Variants in ILRUN observed in about 807,000 individuals in gnomAD.
ILRUN encodes the protein inflammation and lipid regulator with UBA-like and NBR1-like domains, also known as protein ILRUN.
ILRUN carries 3 observed loss-of-function variants against 33.8 expected under a neutral mutation model. The observed-to-expected ratio is 0.09, with a 90% CI of 0.04 to 0.23. The LOEUF (loss-of-function observed/expected upper bound fraction) is 0.23, where lower values mean the gene tolerates loss of function less well. ILRUN is among the 10% of genes least tolerant of loss of function. The pLI is 1.00. For synonymous variants in ILRUN, 124 were observed against 138.9 expected, an observed-to-expected ratio of 0.89 and a Z score of 0.75; for missense variants, 210 against 375.1, an observed-to-expected ratio of 0.56 and a Z score of 3.64.
chr6:34,612,859 G>A (rs756933373), intron 3 of ILRUN, among the ~76,000 whole-genome samples: 4 of 152,232 alleles, frequency 2.6e-5, no homozygotes, highest in South Asian at 2.1e-4. Context: ...TGGCTAACAC[G>A]GTGAAACCCC....
At chr6:34,627,798 G>C (rs1013805940) in intron 3 of ILRUN, among the ~76,000 whole-genome samples, 1 of 150,394 alleles carries the variant, frequency 6.6e-6, no homozygotes, top group African/African-American at 2.5e-5. Flanking sequence ...CCGCCTCCCT[G>C]GTTCAAGCTA....
At chr6:34,664,781 C>T (rs376314118) in intron 1 of ILRUN, among the ~76,000 whole-genome samples, 144 of 152,276 alleles carry the variant, frequency 9.5e-4, no homozygotes, top group African/African-American at 3.1e-3. Flanking sequence ...TATGGTTTAT[C>T]GTTGCTCATG....
At chr6:34,598,583 C>T (rs1761448651) in intron 4 of ILRUN, among the ~76,000 whole-genome samples, 1 of 152,226 alleles carries the variant, frequency 6.6e-6, no homozygotes, top group South Asian at 2.1e-4. Flanking sequence ...GGAACATTAG[C>T]TCTGCTTCAG....
intron 1 of ILRUN, among the ~76,000 whole-genome samples, chr6:34,682,032 A>T (rs2744936): frequency 0.18 from 21,969 of 121,538 alleles, 2,420 homozygotes; most frequent in East Asian, 0.27. Flanking sequence ...TTATATTTTT[A>T]TTTTTTTACT....
At chr6:34,599,910 C>A (rs540417737) in intron 4 of ILRUN, among the ~76,000 whole-genome samples, 20 of 152,298 alleles carry the variant, frequency 1.3e-4, no homozygotes, top group African/African-American at 4.6e-4. Flanking sequence ...GTTATCCTTT[C>A]TTCTCTTTTA....
Position 34,660,288 on chromosome 6 carries a change from G to A in ILRUN, c.159-5509C>T, listed in dbSNP as rs544516817. On this transcript the variant is annotated intron_variant, in intron 1 of 4. Coordinates refer to ENST00000374023, the MANE Select transcript of ILRUN (RefSeq NM_024294.4). ...ACTGCACTCCAGCCTGGGCAACAGT[G>A]AGACCCTGTCAAAAAAATAAATAAA... Among the ~76,000 whole-genome samples, 7 of 151,664 alleles carry A rather than the reference G, an allele frequency of 4.6e-5. No homozygotes were observed. In the East Asian group the frequency reaches 1.2e-3, roughly 25 times the overall value.
At chr6:34,671,920 G>C (rs2127378193) in intron 1 of ILRUN, 1 of 152,298 alleles carries the variant, frequency 6.6e-6, no homozygotes, top group African/African-American at 2.4e-5. Context: ...AAACAGTTCA[G>C]GAATAAACAC....
At chr6:34,678,349 T>C (rs1763283852) in intron 1 of ILRUN, among the ~76,000 whole-genome samples, 1 of 152,130 alleles carries the variant, frequency 6.6e-6, no homozygotes, top group African/African-American at 2.4e-5. Flanking sequence ...CTCTAATTTA[T>C]TTTTATTTTT....
intron 4 of ILRUN, among the ~76,000 whole-genome samples, chr6:34,596,402 T>G (rs929761815): frequency 6.6e-6 from 1 of 152,116 alleles, no homozygotes; most frequent in African/African-American, 2.4e-5. Context: ...CTGTAACCTC[T>G]ACCTCCTGGG....
At chr6:34,689,708 G>A (rs1013791458) in intron 1 of ILRUN, among the ~76,000 whole-genome samples, 8 of 151,722 alleles carry the variant, frequency 5.3e-5, no homozygotes, top group African/African-American at 1.9e-4. Context: ...CAGGTAAGAG[G>A]TACAACTGAT....
chr6:34,662,057 G>A (rs554279945), intron 1 of ILRUN, among the ~76,000 whole-genome samples: 37 of 123,972 alleles, frequency 3.0e-4, no homozygotes, highest in Non-Finnish European at 3.6e-4. Flanking sequence ...CCCGGGAGGC[G>A]GAGCTTGCAG....
chr6:34,680,765 A>AT lies in ILRUN; in HGVS notation c.158+15680dup, dbSNP rs537929527. Among the ~76,000 whole-genome samples, 37 of 150,806 alleles carry AT rather than the reference A, an allele frequency of 2.5e-4. No homozygotes were observed. The East Asian group carries it at 3.7e-3, about 15-fold the overall frequency. ...ATTTTTTATTTTTATATTTTTTTCT[A>AT]TTTTTTTTAACTTTTTGCCAACATT... On this transcript the variant is annotated intron_variant, in intron 1 of 4. Coordinates refer to ENST00000374023, the MANE Select transcript of ILRUN (RefSeq NM_024294.4).
chr6:34,627,767 G>A lies in ILRUN; in HGVS notation c.511+18834C>T, dbSNP rs192090341. On this transcript the variant is annotated intron_variant, in intron 3 of 4. Coordinates refer to ENST00000374023, the MANE Select transcript of ILRUN (RefSeq NM_024294.4). ...AGCCCAGGCTGGAGTGCAATGGCGT[G>A]ATCTCGGCTCACCACAACCTCCGCC... 1.0e-3 allele frequency among the ~76,000 whole-genome samples: 156 copies of A among 150,080 alleles called. 1 individual carries two copies. The highest frequency in any genetic ancestry group is 3.5e-3 in the African/African-American group (143 of 40,704).
intron 1 of ILRUN, among the ~76,000 whole-genome samples, chr6:34,693,464 C>T (rs1440699347): frequency 6.6e-6 from 1 of 151,578 alleles, no homozygotes. Context: ...AGGTGATCTT[C>T]CTACCTCAGG....
rs1227230751 is a variant in ILRUN at position 34,592,348 on chromosome 6, G to T, written c.862-1748C>A. 6.6e-6 allele frequency among the ~76,000 whole-genome samples: 1 copy of T among 152,210 alleles called. No individual in the cohort carries two copies. Among genetic ancestry groups the T allele is most frequent in the Non-Finnish European group, 1.5e-5 (1 of 68,038 alleles). On this transcript the variant is annotated intron_variant, in intron 4 of 4. Coordinates refer to ENST00000374023, the MANE Select transcript of ILRUN (RefSeq NM_024294.4). This position sits in a 1 kb window ranked among gnomAD's most constrained non-coding sequence, Gnocchi z 4.0. Reference sequence around the variant, plus strand: ...GATTAAGGGAGCAGCACTGGTGAGGGAAGCAACTGGCATTTGCCAAAATGC... The same window carrying T: ...GATTAAGGGAGCAGCACTGGTGAGGTAAGCAACTGGCATTTGCCAAAATGC...
intron 3 of ILRUN, among the ~76,000 whole-genome samples, chr6:34,629,730 G>A (rs748449714): frequency 1.6e-4 from 24 of 152,100 alleles, no homozygotes; most frequent in Admixed American, 1.2e-3. Context: ...ATTTTCAGCC[G>A]TATTGTTTCA....
At chr6:34,666,517 C>T (rs1226623487) in intron 1 of ILRUN, among the ~76,000 whole-genome samples, 1 of 152,002 alleles carries the variant, frequency 6.6e-6, no homozygotes, top group Non-Finnish European at 1.5e-5. Flanking sequence ...GCCAAGATTG[C>T]GCCATTGCAC....
rs530093116 is a variant in ILRUN at position 34,663,062 on chromosome 6, C to T, written c.159-8283G>A. 3.5e-4 allele frequency among the ~76,000 whole-genome samples: 53 copies of T among 152,104 alleles called. No individual in the cohort carries two copies. The South Asian group carries it at 9.3e-3, about 27-fold the overall frequency. ...TGAGCCCTAATGATGCCACCCTACA[C>T]GAGCCTGGATGACAGAGTGAGATCC... On this transcript the variant is annotated intron_variant, in intron 1 of 4. Transcript: ENST00000374023.
intron 1 of ILRUN, among the ~76,000 whole-genome samples, chr6:34,660,889 T>C (rs1438851599): frequency 2.0e-5 from 3 of 152,232 alleles, no homozygotes; most frequent in African/African-American, 7.2e-5. Flanking sequence ...CAACGGTCAA[T>C]ACTGTCAACC....
Sources: allele counts gnomAD v4.1 joint callset (sites outside exome capture counted in the v4.1 genomes callset), GRCh38; gene constraint gnomAD v4.1.1; non-coding constraint Gnocchi (gnomAD v3.1); transcripts MANE v1.5; gene names NCBI Gene and HGNC (gene_info 2026-07-23, HGNC 2026-07-21).